The following LGR6 variants were observed in gnomAD, a reference collection of about 807,000 sequenced individuals.
LGR6 encodes the protein leucine-rich repeat-containing G protein-coupled receptor 6.
LGR6 carries 45 observed loss-of-function variants against 69.4 expected under a neutral mutation model. The observed-to-expected ratio is 0.65, with a 90% CI of 0.51 to 0.83. The LOEUF (loss-of-function observed/expected upper bound fraction) is 0.83, where lower values mean the gene tolerates loss of function less well. Ranked by LOEUF, LGR6 falls within the 40% of genes least tolerant of loss-of-function variation. LGR6 has a pLI of 0.00. For synonymous variants in LGR6, 538 were observed against 555.0 expected (o/e 0.97, Z 0.43); for missense variants, 1,108 against 1,246.7 (o/e 0.89, Z 1.68).
chr1:202,210,231 C>T (rs554864278), intron 1 of LGR6, among the ~76,000 whole-genome samples: 1 of 152,310 alleles, frequency 6.6e-6, no homozygotes, highest in South Asian at 2.1e-4. Flanking sequence ...TTCCTGGTTA[C>T]TTGTCTGTTT....
chr1:202,300,966 G>T, intron 8 of LGR6, 46 bp downstream of exon 8: 1 of 1,535,898 alleles, frequency 6.5e-7, no homozygotes, highest in Non-Finnish European at 9.0e-7. Context: ...CAGTGTTTCA[G>T]GGAGGAGGAC....
intron 4 of LGR6, among the ~76,000 whole-genome samples, chr1:202,260,814 A>T (rs1161687604): frequency 6.6e-6 from 1 of 152,164 alleles, no homozygotes; most frequent in South Asian, 2.1e-4. Flanking sequence ...TTGGATCACA[A>T]TCTATTTTTC....
At chr1:202,204,311 C>CCA (rs1658952316) in intron 1 of LGR6, among the ~76,000 whole-genome samples, 1 of 106,196 alleles carries the variant, frequency 9.4e-6, no homozygotes. Context: ...CACACACACC[C>CCA]AACACACACC....
chr1:202,249,793 C>T (rs893562717), intron 4 of LGR6, among the ~76,000 whole-genome samples: 1 of 152,144 alleles, frequency 6.6e-6, no homozygotes, highest in African/African-American at 2.4e-5. Context: ...CCATTGTCTG[C>T]CCGCCATCAT....
At chr1:202,222,766 T>C (rs923287349) in intron 1 of LGR6, among the ~76,000 whole-genome samples, 8 of 152,072 alleles carry the variant, frequency 5.3e-5, no homozygotes, top group African/African-American at 1.9e-4. Context: ...AATCCAAGAC[T>C]AGTGGGGCCT....
At position 202,305,616 on chromosome 1, in the gene LGR6, C is replaced by G. The variant is rs369591484; in HGVS notation, c.1071-68C>G. 4.9e-5 allele frequency: 67 copies of G among 1,368,688 alleles called. No homozygotes were observed. In the East Asian group the frequency reaches 1.2e-3, roughly 24 times the overall value. The allele number at this position is 1,368,688 out of a possible 1,614,324, so 84.8% of individuals were successfully genotyped here. On this transcript the variant is annotated intron_variant, in intron 11 of 17. Coordinates refer to ENST00000367278, the MANE Select transcript of LGR6 (RefSeq NM_001017403.2). The stretch of plus-strand genomic sequence containing the variant: ...GGAAAGCACAGTCCTGGCTAGAGCC[C>G]CCCGTCCCCGAGCAGCCCTCAGATA...
chr1:202,210,145 C>T (rs1298100052), intron 1 of LGR6, among the ~76,000 whole-genome samples: 1 of 152,104 alleles, frequency 6.6e-6, no homozygotes, highest in African/African-American at 2.4e-5. Context: ...GAAACCTTCC[C>T]TAATCCCTCA....
chr1:202,264,396 C>G (rs1213960092), intron 4 of LGR6, among the ~76,000 whole-genome samples: 4 of 152,186 alleles, frequency 2.6e-5, no homozygotes, highest in Admixed American at 2.0e-4. Context: ...CATCACTGCC[C>G]CCTTTCTGGA....
intron 4 of LGR6, among the ~76,000 whole-genome samples, chr1:202,275,370 G>C (rs542117349): frequency 2.5e-4 from 38 of 152,358 alleles, no homozygotes; most frequent in African/African-American, 8.4e-4. Context: ...AGAGACAGTA[G>C]CATGTTGATA....
At chr1:202,239,728 A>C (rs981725893) in intron 4 of LGR6, among the ~76,000 whole-genome samples, 7 of 151,884 alleles carry the variant, frequency 4.6e-5, no homozygotes, top group Non-Finnish European at 7.4e-5. Flanking sequence ...TGCCAGTGAG[A>C]CTCTGGAGTC....
chr1:202,257,478 A>C (rs80205215), intron 4 of LGR6, among the ~76,000 whole-genome samples: 17,969 of 152,156 alleles, frequency 0.12, 1,183 homozygotes, highest in Middle Eastern at 0.23. Flanking sequence ...ATACATACAC[A>C]ATGTAGCTAG....
At position 202,194,080 on chromosome 1, in the gene LGR6, G is replaced by GGGCCCACCGCCTGCCCGGCCCCC. The variant is rs1658539856; in HGVS notation, c.92_114dup (p.Cys39GlyfsTer37). On this transcript the variant is annotated frameshift_variant, in exon 1 of 18. Coordinates refer to ENST00000367278, the MANE Select transcript of LGR6 (RefSeq NM_001017403.2). LOFTEE classifies it high-confidence loss of function. The stretch of plus-strand genomic sequence containing the variant: ...CGGCGGCGCCCCCCAGCCCGGCCCG[G>GGGCCCACCGCCTGCCCGGCCCCC]GGCCCACCGCCTGCCCGGCCCCCTG... 1 of 1,496,972 alleles carries GGGCCCACCGCCTGCCCGGCCCCC rather than the reference G, an allele frequency of 6.7e-7. No individual in the cohort carries two copies. Among genetic ancestry groups the GGGCCCACCGCCTGCCCGGCCCCC allele is most frequent in the African/African-American group, 1.4e-5 (1 of 69,522 alleles). The allele number at this position is 1,496,972 out of a possible 1,614,324, so 92.7% of individuals were successfully genotyped here.
At chr1:202,236,723 G>A (rs577337396) in intron 4 of LGR6, among the ~76,000 whole-genome samples, 1 of 152,278 alleles carries the variant, frequency 6.6e-6, no homozygotes, top group East Asian at 1.9e-4. Flanking sequence ...AACTTCATCC[G>A]ATGGGAGAGT....
In LGR6 at chr1:202,193,936, C is replaced by T; in HGVS notation, c.-54C>T. 2 of 1,166,258 alleles carry T rather than the reference C, an allele frequency of 1.7e-6. No homozygotes were observed. The highest frequency in any genetic ancestry group is 1.1e-6 in the Non-Finnish European group (1 of 915,542). 72.2% of individuals were successfully genotyped at this position (1,166,258 alleles called of 1,614,324 possible). A position where few individuals can be genotyped will look rare whatever the true frequency, so the allele number is the denominator to read the frequency against. ...ACCGGGAGGAAGCAGCTGCGGCCAT[C>T]GCGCCGTGCGTCCGCGCCCGGCCGC... On this transcript the variant is annotated 5_prime_UTR_variant, in exon 1 of 18. Coordinates refer to ENST00000367278, the MANE Select transcript of LGR6 (RefSeq NM_001017403.2).
intron 6 of LGR6, among the ~76,000 whole-genome samples, chr1:202,295,922 A>T (rs888394359): frequency 4.1e-5 from 6 of 146,490 alleles, no homozygotes; most frequent in Admixed American, 3.4e-4. Context: ...TGTGACAATT[A>T]TCTGGCTCAC....
chr1:202,287,709 C>G (rs760931560), intron 6 of LGR6, among the ~76,000 whole-genome samples: 7 of 152,178 alleles, frequency 4.6e-5, no homozygotes, highest in Non-Finnish European at 8.8e-5. Flanking sequence ...AAACAACTCT[C>G]TTTCTCTCAC....
At chr1:202,266,387 G>A (rs1010807317) in intron 4 of LGR6, among the ~76,000 whole-genome samples, 2 of 152,092 alleles carry the variant, frequency 1.3e-5, no homozygotes, top group Non-Finnish European at 1.5e-5. Flanking sequence ...CACTGATCCT[G>A]GAGAGAGGAA....
chr1:202,290,166 T>G (rs1469165481), intron 6 of LGR6, among the ~76,000 whole-genome samples: 1 of 152,188 alleles, frequency 6.6e-6, no homozygotes, highest in Non-Finnish European at 1.5e-5. Context: ...CTGGACCAGG[T>G]GAACAGAGCA....
chr1:202,304,495 CG>C, intron 10 of LGR6, 63 bp from the exon 11 acceptor site: 2 of 1,185,122 alleles, frequency 1.7e-6, no homozygotes, highest in African/African-American at 1.5e-5. Context: ...AGAGCTGGAG[CG>C]GGGTGGCTGG....
Sources: gnomAD v4.1 joint callset for allele counts (sites outside exome capture counted in the v4.1 genomes callset) on GRCh38, gnomAD v4.1.1 for gene constraint, MANE v1.5 for transcripts, NCBI Gene and HGNC (gene_info 2026-07-23, HGNC 2026-07-21) for gene names.